HTR2C: variants seen among roughly 807,000 people sequenced by gnomAD.
HTR2C encodes 5-hydroxytryptamine receptor 2C, also known as 5-hydroxytryptamine (serotonin) receptor 2C, G protein-coupled.
In HTR2C, 5 loss-of-function variants were observed where a neutral mutation model predicts 21.0. The observed-to-expected ratio is 0.24, with a 90% CI of 0.12 to 0.50. The LOEUF is 0.50. Ranked by LOEUF, HTR2C falls within the 20% of genes least tolerant of loss-of-function variation. The pLI is 0.98. For missense variants in HTR2C, 271 were observed against 371.2 expected, an observed-to-expected ratio of 0.73 and a Z score of 2.22; for synonymous variants, 150 against 145.3, an observed-to-expected ratio of 1.03 and a Z score of -0.23.
At chrX:114,748,449 G>C (rs2069726544) in intron 4 of HTR2C, among the ~76,000 whole-genome samples, 1 of 111,131 alleles carries the variant, frequency 9.0e-6, no homozygotes, top group South Asian at 3.8e-4. Context: ...AACTACAATA[G>C]CTGAAACAGT....
At chrX:114,839,843 ACT>A (rs1484196196) in intron 4 of HTR2C, among the ~76,000 whole-genome samples, 6 of 110,911 alleles carry the variant, frequency 5.4e-5, no homozygotes, top group Non-Finnish European at 1.9e-5. Flanking sequence ...GAAACTATAA[ACT>A]CTGCCTAAAT....
At chrX:114,596,362 G>A (rs958728647) in intron 1 of HTR2C, among the ~76,000 whole-genome samples, 5 of 112,173 alleles carry the variant, frequency 4.5e-5, no homozygotes, top group Non-Finnish European at 9.4e-5. Context: ...ATATCTTGCT[G>A]AATATCAATA....
intron 4 of HTR2C, among the ~76,000 whole-genome samples, chrX:114,769,351 C>T (rs782080040): frequency 1.7e-4 from 19 of 110,598 alleles, no homozygotes; most frequent in African/African-American, 5.9e-4. Context: ...TCATTAAATT[C>T]CTTTTTGGAT....
intron 5 of HTR2C, among the ~76,000 whole-genome samples, chrX:114,883,631 A>ATAACAT (rs1408541310): frequency 9.1e-6 from 1 of 109,684 alleles, no homozygotes; most frequent in Non-Finnish European, 1.9e-5. Context: ...TATTCACCTA[A>ATAACAT]AAGTATTTTC....
intron 4 of HTR2C, among the ~76,000 whole-genome samples, chrX:114,780,469 C>G (rs1276405206): frequency 9.0e-6 from 1 of 111,484 alleles, no homozygotes; most frequent in Admixed American, 9.5e-5. Flanking sequence ...GAAGGTTATC[C>G]TCCTTTAAGC....
Position 114,653,984 on chromosome X carries a change from A to G in HTR2C, c.-80+40103A>G, listed in dbSNP as rs782254679. ...CTTGTCTGTCTCATACTCCTTCAGC[A>G]CTTATTAGGTGTGTAATCTTGAGCC... On this transcript the variant is annotated intron_variant, in intron 2 of 5. Coordinates refer to ENST00000276198, the MANE Select transcript of HTR2C (RefSeq NM_000868.4). Among the ~76,000 whole-genome samples the G allele has an allele frequency of 9.9e-5, 11 of 110,600 alleles. No homozygotes were observed. In the South Asian group the frequency reaches 3.8e-3, roughly 38 times the overall value.
At chrX:114,713,080 T>C (rs782613425) in intron 2 of HTR2C, among the ~76,000 whole-genome samples, 71 of 111,718 alleles carry the variant, frequency 6.4e-4, no homozygotes, top group African/African-American at 2.1e-3. Context: ...ATCTCATTTG[T>C]AGTTATAAAT....
chrX:114,736,362 T>C (rs1287029732), intron 4 of HTR2C, among the ~76,000 whole-genome samples: 2 of 110,247 alleles, frequency 1.8e-5, no homozygotes, highest in Non-Finnish European at 3.8e-5. Context: ...GGTGAAAGTA[T>C]ACCAAGCAAA....
chrX:114,693,813 A>G (rs868962810), intron 2 of HTR2C, among the ~76,000 whole-genome samples: 1 of 112,004 alleles, frequency 8.9e-6, no homozygotes, highest in African/African-American at 3.2e-5. Context: ...CACAAAATGA[A>G]CGTCATGGGA....
chrX:114,873,433 G>A (rs1556477096), intron 5 of HTR2C, among the ~76,000 whole-genome samples: 1 of 111,012 alleles, frequency 9.0e-6, no homozygotes, highest in East Asian at 2.8e-4. Flanking sequence ...TGTATGCCCA[G>A]CATTATGGAT....
chrX:114,852,856 T>C (rs1556469715), intron 5 of HTR2C, among the ~76,000 whole-genome samples: 2 of 110,279 alleles, frequency 1.8e-5, no homozygotes. Context: ...CGCGCGTGCA[T>C]GTGTGTGTTT....
At position 114,782,717 on chromosome X, in the gene HTR2C, A is replaced by T. The variant is rs782334021; in HGVS notation, c.349+51110A>T. The stretch of plus-strand genomic sequence containing the variant: ...TGGGTGACAGAGTGAGACCCTGTAT[A>T]AAAAAAAAAGGTGTCAAAATAGTGT... On this transcript the variant is annotated intron_variant, in intron 4 of 5. Coordinates refer to ENST00000276198, the MANE Select transcript of HTR2C (RefSeq NM_000868.4). 4.8e-5 allele frequency among the ~76,000 whole-genome samples: 5 copies of T among 103,241 alleles called. No homozygotes were observed. In the South Asian group the frequency reaches 2.0e-3, roughly 42 times the overall value. The allele number at this position is 103,241 out of a possible 115,157, so 89.7% of individuals were successfully genotyped here. A position where few individuals can be genotyped will look rare whatever the true frequency, so the allele number is the denominator to read the frequency against.
intron 2 of HTR2C, among the ~76,000 whole-genome samples, chrX:114,688,999 C>G (rs1274633508): frequency 9.2e-6 from 1 of 108,312 alleles, no homozygotes; most frequent in Non-Finnish European, 1.9e-5. Context: ...AACCCTTCCC[C>G]TCGAGTCCCC....
intron 1 of HTR2C, among the ~76,000 whole-genome samples, chrX:114,587,789 A>C (rs1203180248): frequency 8.9e-6 from 1 of 111,926 alleles, no homozygotes; most frequent in Non-Finnish European, 1.9e-5. Context: ...TCATATACTG[A>C]GAACATTGCT....
In HTR2C at chrX:114,737,945, A is replaced by C. The variant is rs782686899; in HGVS notation, c.349+6338A>C. Reference sequence around the variant, plus strand: ...TATGAAGTGAGAATAACTTTGATACATAAACCAGGTAAAGACAGTATGAAG... The same window carrying C: ...TATGAAGTGAGAATAACTTTGATACCTAAACCAGGTAAAGACAGTATGAAG... On this transcript the variant is annotated intron_variant, in intron 4 of 5. Coordinates refer to ENST00000276198, the MANE Select transcript of HTR2C (RefSeq NM_000868.4). Among the ~76,000 whole-genome samples, 6 of 112,761 alleles carry C rather than the reference A, an allele frequency of 5.3e-5. No homozygotes were observed. The East Asian group carries it at 1.7e-3, about 31-fold the overall frequency.
intron 2 of HTR2C, among the ~76,000 whole-genome samples, chrX:114,702,451 A>G (rs1195297938): frequency 4.7e-5 from 5 of 107,493 alleles, no homozygotes; most frequent in Non-Finnish European, 9.7e-5. Flanking sequence ...TTTCCTATCC[A>G]GCCAAACTAA....
At chrX:114,852,033 C>T (rs782805156) in intron 5 of HTR2C, among the ~76,000 whole-genome samples, 2 of 111,498 alleles carry the variant, frequency 1.8e-5, no homozygotes, top group East Asian at 2.8e-4. Flanking sequence ...TCCTACCATA[C>T]AAGAAATTAA....
At chrX:114,762,214 C>T (rs1225905516) in intron 4 of HTR2C, among the ~76,000 whole-genome samples, 1 of 109,505 alleles carries the variant, frequency 9.1e-6, no homozygotes, top group Non-Finnish European at 1.9e-5. Context: ...GAGATTTATG[C>T]CTTTTTGTAA....
intron 5 of HTR2C, among the ~76,000 whole-genome samples, chrX:114,854,002 T>C (rs782464538): frequency 5.4e-5 from 6 of 111,824 alleles, no homozygotes; most frequent in Non-Finnish European, 1.1e-4. Flanking sequence ...TCTTCCAAAC[T>C]TTACTGCCAA....
Sources: gnomAD v4.1 joint callset for allele counts (sites outside exome capture counted in the v4.1 genomes callset) on GRCh38, gnomAD v4.1.1 for gene constraint, MANE v1.5 for transcripts, NCBI Gene and HGNC (gene_info 2026-07-23, HGNC 2026-07-21) for gene names.